The following MYO1F variants were observed in gnomAD, a reference collection of about 807,000 sequenced individuals.
MYO1F encodes myosin IF.
MYO1F carries 60 observed loss-of-function variants against 146.6 expected under a neutral mutation model. The observed-to-expected ratio is 0.41, with a 90% CI of 0.33 to 0.51. The LOEUF (loss-of-function observed/expected upper bound fraction) is 0.51. Among genes scored for constraint, MYO1F ranks in the 20% least tolerant of loss-of-function variants. MYO1F has a pLI of 0.25. For missense variants in MYO1F, 1,274 were observed against 1,534.3 expected (o/e 0.83, Z 2.83); for synonymous variants, 602 against 602.1 (o/e 1.00, Z 0.00).
chr19:8,557,198 T>C (rs1405945130), intron 1 of MYO1F, among the ~76,000 whole-genome samples: 1 of 152,062 alleles, frequency 6.6e-6, no homozygotes, highest in African/African-American at 2.4e-5. Context: ...GGTGGGAGGA[T>C]CACTTGAGCC....
At chr19:8,558,584 G>T (rs1360757637) in intron 1 of MYO1F, among the ~76,000 whole-genome samples, 1 of 152,070 alleles carries the variant, frequency 6.6e-6, no homozygotes. Context: ...TTTATCTAGT[G>T]CCTTAAACAC....
chr19:8,544,997 C>T (rs1347271456), intron 13 of MYO1F, among the ~76,000 whole-genome samples: 1 of 152,082 alleles, frequency 6.6e-6, no homozygotes. Context: ...AGGCTGGTTT[C>T]GAACTCTTGG....
chr19:8,520,870 C>T lies in MYO1F; in HGVS notation c.*658G>A, dbSNP rs1467627770. 6.4e-6 allele frequency: 1 copy of T among 155,494 alleles called. No individual in the cohort carries two copies. The highest frequency in any genetic ancestry group is 1.4e-5 in the Non-Finnish European group (1 of 70,082). 9.6% of individuals were successfully genotyped at this position (155,494 alleles called of 1,614,324 possible). A position where few individuals can be genotyped will look rare whatever the true frequency, so the allele number is the denominator to read the frequency against. ...GAACTCCTGGTCTCACGTGATCTGC[C>T]CGCCTCAGCCTCCCAAAGTGCTGGG... On this transcript the variant is annotated 3_prime_UTR_variant, in exon 28 of 28. Transcript: ENST00000644032.
rs1555729015 is a variant in MYO1F at position 8,561,375 on chromosome 19, T to TTCCC, written c.4-5580_4-5579insGGGA. On this transcript the variant is annotated intron_variant, in intron 1 of 27. Coordinates refer to ENST00000644032, the MANE Select transcript of MYO1F (RefSeq NM_012335.4). The stretch of plus-strand genomic sequence containing the variant: ...TTCCCTCCCTCCCTCCCTCCCTCCC[T>TTCCC]CCCTTCCCCCCTTCTTTCCTTCCTT... Among the ~76,000 whole-genome samples, 119 of 62,130 alleles carry TTCCC rather than the reference T, an allele frequency of 1.9e-3. 1 individual carries two copies. Among genetic ancestry groups the TTCCC allele is most frequent in the South Asian group, 5.0e-3 (8 of 1,606 alleles). 40.8% of individuals were successfully genotyped at this position (62,130 alleles called of 152,430 possible). A position where few individuals can be genotyped will look rare whatever the true frequency, so the allele number is the denominator to read the frequency against.
chr19:8,552,479 C>T (rs189470739), intron 6 of MYO1F, among the ~76,000 whole-genome samples: 8 of 152,036 alleles, frequency 5.3e-5, no homozygotes, highest in Non-Finnish European at 1.5e-5. Flanking sequence ...GTTGGCCAGG[C>T]TGGTCTTGAA....
intron 22 of MYO1F, among the ~76,000 whole-genome samples, 199 bp from the exon 23 acceptor site, chr19:8,527,134 A>G (rs1972304679): frequency 6.6e-6 from 1 of 152,036 alleles, no homozygotes; most frequent in Non-Finnish European, 1.5e-5. Flanking sequence ...GAGGTCTAGT[A>G]AGAGGGTAAG....
At chr19:8,536,908 G>GC in intron 17 of MYO1F, 41 bp downstream of exon 17, 1 of 1,276,772 alleles carries the variant, frequency 7.8e-7, no homozygotes, top group Non-Finnish European at 1.1e-6. Flanking sequence ...TAACTGCAGG[G>GC]CCTGGGGGGA....
In MYO1F at chr19:8,536,211, CTT is replaced by C. The variant is rs775391540; in HGVS notation, c.2043+39_2043+40del. 352 of 1,597,938 alleles carry C rather than the reference CTT, an allele frequency of 2.2e-4. 1 individual carries two copies. Among genetic ancestry groups the C allele is most frequent in the Non-Finnish European group, 2.7e-4 (318 of 1,177,894 alleles). ...AGTCCCTCTCTATACCTTTCTCTCT[CTT>C]CCCCTCTCCTTCTCTGCCTGTCCCT... is the stretch of plus-strand genomic sequence containing the variant. On this transcript the variant is annotated intron_variant, in intron 19 of 27. Transcript: ENST00000644032.
Position 8,544,478 on chromosome 19 carries a change from G to A in MYO1F, c.1357-14C>T, listed in dbSNP as rs764885756. The A allele has an allele frequency of 1.0e-5, 16 of 1,604,048 alleles. No homozygotes were observed. The highest frequency in any genetic ancestry group is 5.3e-5 in the African/African-American group (4 of 74,806). On this transcript the variant is annotated splice_polypyrimidine_tract_variant and intron_variant, in intron 13 of 27. Coordinates refer to ENST00000644032, the MANE Select transcript of MYO1F (RefSeq NM_012335.4). ...GCCTGGGGGGCTCTGCGGGGCGAGC[G>A]GGAGCCAGCAGCGGCTCAGTTTGGT...
intron 1 of MYO1F, among the ~76,000 whole-genome samples, chr19:8,574,591 CTCTCTCTT>C (rs1198672915): frequency 3.9e-4 from 33 of 84,088 alleles, no homozygotes; most frequent in African/African-American, 1.1e-3. Flanking sequence ...CTCTCTCTCT[CTCTCTCTT>C]TCTTTCTTTC....
intron 13 of MYO1F, 149 bp from the exon 14 acceptor site, chr19:8,544,613 T>TA: frequency 1.2e-6 from 1 of 834,018 alleles, no homozygotes; most frequent in East Asian, 2.7e-5. Flanking sequence ...GGGCTTCAAA[T>TA]ACAAGCACAA....
chr19:8,571,914 G>A (rs1304941712), intron 1 of MYO1F, among the ~76,000 whole-genome samples: 1 of 151,744 alleles, frequency 6.6e-6, no homozygotes, highest in African/African-American at 2.4e-5. Flanking sequence ...TTTTAGAGAC[G>A]GGGTTTCACT....
chr19:8,544,321 G>A lies in MYO1F; in HGVS notation c.1500C>T (p.Phe500=), dbSNP rs371153488. The change falls in exon 14 of 28, where the codon TTC becomes TTT. Residue 500 remains phenylalanine (F), a synonymous_variant. Transcript: ENST00000644032. ...HEHFNSWSAG[F]VIHHYAGKVS... is the part of the protein sequence containing the mutation. ...CCTTGCCAGCGTAGTGGTGGATGAC[G>A]AAGCCGGCGCTCCAGCTGTTGAAAT... The A allele has an allele frequency of 2.0e-5, 32 of 1,612,928 alleles. No homozygotes were observed. Among genetic ancestry groups the A allele is most frequent in the Middle Eastern group, 1.7e-4 (1 of 6,050 alleles).
intron 19 of MYO1F, among the ~76,000 whole-genome samples, chr19:8,535,192 G>A (rs1038459159): frequency 6.6e-6 from 1 of 152,064 alleles, no homozygotes; most frequent in African/African-American, 2.4e-5. Context: ...GATTACAGGT[G>A]TGAGCCAGTG....
At chr19:8,558,856 C>T (rs925692325) in intron 1 of MYO1F, among the ~76,000 whole-genome samples, 2 of 152,046 alleles carry the variant, frequency 1.3e-5, no homozygotes, top group African/African-American at 2.4e-5. Context: ...ACCACCAGAG[C>T]AAACAAAGCT....
At chr19:8,556,634 T>A (rs1269477078) in intron 1 of MYO1F, among the ~76,000 whole-genome samples, 1 of 151,964 alleles carries the variant, frequency 6.6e-6, no homozygotes, top group Non-Finnish European at 1.5e-5. Context: ...ATGCCTGTAA[T>A]CCCAGCACTT....
intron 16 of MYO1F, among the ~76,000 whole-genome samples, chr19:8,539,489 A>G (rs142693483): frequency 0.024 from 3,712 of 151,616 alleles, 85 homozygotes; most frequent in African/African-American, 0.062. Context: ...CCAGCTACTT[A>G]GGAGGCTGAG....
At position 8,553,894 on chromosome 19, in the gene MYO1F, A is replaced by ACTCTCTCTCTCTCT. The variant is rs530875155; in HGVS notation, c.327-471_327-458dup. On this transcript the variant is annotated intron_variant, in intron 4 of 27. Coordinates refer to ENST00000644032, the MANE Select transcript of MYO1F (RefSeq NM_012335.4). Reference sequence around the variant, plus strand: ...CACACACACACACACACACACACACACTCTCTCTCTCTCTCTCTCTCTCTC... The same window carrying ACTCTCTCTCTCTCT: ...CACACACACACACACACACACACACACTCTCTCTCTCTCTCTCTCTCTCTCTCTCTCTCTCTCTC... Among the ~76,000 whole-genome samples the ACTCTCTCTCTCTCT allele has an allele frequency of 1.1e-3, 115 of 102,634 alleles. 2 individuals are homozygous for ACTCTCTCTCTCTCT. Among genetic ancestry groups the ACTCTCTCTCTCTCT allele is most frequent in the South Asian group, 2.3e-3 (7 of 3,028 alleles). 67.3% of individuals were successfully genotyped at this position (102,634 alleles called of 152,430 possible). A position where few individuals can be genotyped will look rare whatever the true frequency, so the allele number is the denominator to read the frequency against.
At chr19:8,544,035 G>GCGGTGT in intron 14 of MYO1F, 1 of 546,692 alleles carries the variant, frequency 1.8e-6, no homozygotes, top group Non-Finnish European at 3.3e-6. Flanking sequence ...GGTGGCGGTG[G>GCGGTGT]CGGTGCTGGT....
Sources: allele counts gnomAD v4.1 joint callset (sites outside exome capture counted in the v4.1 genomes callset), GRCh38; gene constraint gnomAD v4.1.1; transcripts MANE v1.5; gene names NCBI Gene and HGNC (gene_info 2026-07-23, HGNC 2026-07-21).